STAT3: variants seen among roughly 807,000 people sequenced by gnomAD.
STAT3 encodes the protein DNA-binding protein APRF.
A neutral mutation model predicts 114.3 loss-of-function variants in STAT3; 7 were observed. That is an observed-to-expected ratio of 0.06 (90% CI 0.03 to 0.11). The LOEUF is 0.11. Among genes scored for constraint, STAT3 ranks in the 10% least tolerant of loss-of-function variants. STAT3 has a pLI of 1.00. For missense variants in STAT3, 364 were observed against 960.9 expected (o/e 0.38, Z 8.21); for synonymous variants, 331 against 354.5 (o/e 0.93, Z 0.74).
At position 42,369,142 on chromosome 17, in the gene STAT3, G is replaced by A. The variant is rs145984675; in HGVS notation, c.-24+19137C>T. 5.6e-3 allele frequency among the ~76,000 whole-genome samples: 860 copies of A among 152,232 alleles called. 8 individuals carry two copies. The highest frequency in any genetic ancestry group is 8.5e-3 in the Non-Finnish European group (577 of 68,016). On this transcript the variant is annotated intron_variant, in intron 1 of 23. Transcript: ENST00000264657. ...TGGGAGGCCGAGGTGGGAGGATCATGAGGTCAGGAGTTCAAGAACAGCCTG... is the reference window on the plus strand; with the variant it reads ...TGGGAGGCCGAGGTGGGAGGATCATAAGGTCAGGAGTTCAAGAACAGCCTG...
chr17:42,320,886 C>A (rs1227440652), intron 21 of STAT3, among the ~76,000 whole-genome samples: 2 of 151,988 alleles, frequency 1.3e-5, no homozygotes, highest in African/African-American at 4.8e-5. Context: ...AGGGCTACCC[C>A]CTCCACACTG....
At chr17:42,379,945 G>A (rs1178263606) in intron 1 of STAT3, among the ~76,000 whole-genome samples, 2 of 152,002 alleles carry the variant, frequency 1.3e-5, no homozygotes, top group African/African-American at 4.8e-5. Flanking sequence ...TCTCCTTTGG[G>A]TCATTAGTGG....
At chr17:42,377,798 A>C (rs956501542) in intron 1 of STAT3, among the ~76,000 whole-genome samples, 8 of 152,172 alleles carry the variant, frequency 5.3e-5, no homozygotes, top group Non-Finnish European at 1.0e-4. Flanking sequence ...AAGAGGAAAA[A>C]GTTTAACCCA....
chr17:42,332,301 AG>A (rs1271888081), intron 10 of STAT3, among the ~76,000 whole-genome samples: 2 of 147,486 alleles, frequency 1.4e-5, no homozygotes, highest in Non-Finnish European at 3.0e-5. Context: ...GCACTTTGGG[AG>A]GCCAAGGCAG....
At chr17:42,316,110 G>A (rs2081238168) in intron 23 of STAT3, 1 of 1,319,704 alleles carries the variant, frequency 7.6e-7, no homozygotes, top group East Asian at 3.1e-5. Flanking sequence ...GACACACGTG[G>A]CCACCAAGCA....
intron 1 of STAT3, among the ~76,000 whole-genome samples, chr17:42,352,997 T>C (rs1222017426): frequency 6.6e-6 from 1 of 152,204 alleles, no homozygotes; most frequent in African/African-American, 2.4e-5. Context: ...AAATAAAATA[T>C]ATTATTAAAA....
intron 1 of STAT3, among the ~76,000 whole-genome samples, chr17:42,352,928 A>G (rs1325958038): frequency 6.6e-6 from 1 of 152,252 alleles, no homozygotes; most frequent in African/African-American, 2.4e-5. Flanking sequence ...AGTGAAAAAC[A>G]AAAGAATGTA....
intron 1 of STAT3, among the ~76,000 whole-genome samples, chr17:42,354,183 T>C (rs2083110492): frequency 6.7e-6 from 1 of 149,082 alleles, no homozygotes; most frequent in Non-Finnish European, 1.5e-5. Flanking sequence ...TTTTTTTTTT[T>C]TTTTTTTTTG....
intron 1 of STAT3, among the ~76,000 whole-genome samples, chr17:42,384,124 A>ATT (rs1202429954): frequency 1.1e-3 from 87 of 82,016 alleles, no homozygotes; most frequent in East Asian, 2.1e-3. Flanking sequence ...TTATTTATTT[A>ATT]TTTATTTATT....
At chr17:42,382,963 C>G (rs2084887727) in intron 1 of STAT3, among the ~76,000 whole-genome samples, 1 of 151,804 alleles carries the variant, frequency 6.6e-6, no homozygotes, top group African/African-American at 2.4e-5. Context: ...TGCAGTAATC[C>G]TAACATGACA....
At chr17:42,383,327 G>T (rs1051440706) in intron 1 of STAT3, among the ~76,000 whole-genome samples, 2 of 151,264 alleles carry the variant, frequency 1.3e-5, no homozygotes, top group South Asian at 4.2e-4. Flanking sequence ...AAAGCGCTGG[G>T]ATTACAGGCA....
rs2082115276 is a variant in STAT3 at position 42,333,666 on chromosome 17, G to C, written c.1049+7C>G. On this transcript the variant is annotated splice_region_variant and intron_variant, in intron 10 of 23. Coordinates refer to ENST00000264657, the MANE Select transcript of STAT3 (RefSeq NM_139276.3). This position sits in a 1 kb window ranked among gnomAD's most constrained non-coding sequence, Gnocchi z 5.2. ...TCTCTACTGGAAATGGAAGTGGCAT[G>C]GCCTACCTGACTTTAGTAGTGAACT... is the stretch of plus-strand genomic sequence containing the variant. The C allele has an allele frequency of 1.2e-6, 2 of 1,613,818 alleles. No homozygotes were observed. Among genetic ancestry groups the C allele is most frequent in the African/African-American group, 1.3e-5 (1 of 74,920 alleles).
chr17:42,340,975 G>A (rs1280952605), intron 4 of STAT3, among the ~76,000 whole-genome samples: 2 of 152,070 alleles, frequency 1.3e-5, no homozygotes, highest in Non-Finnish European at 2.9e-5. Context: ...GGGGTGGGGT[G>A]GGGGTGCTGC....
At chr17:42,353,374 GA>G (rs2083070887) in intron 1 of STAT3, among the ~76,000 whole-genome samples, 2 of 133,580 alleles carry the variant, frequency 1.5e-5, no homozygotes, top group Admixed American at 7.2e-5. Flanking sequence ...AAGAAAGAAA[GA>G]AAGAAGAGAA....
Position 42,323,102 on chromosome 17 carries a change from A to G in STAT3, c.1790T>C (p.Ile597Thr), listed in dbSNP as rs1397194993. 1 of 1,614,162 alleles carries G rather than the reference A, an allele frequency of 6.2e-7. No individual in the cohort carries two copies. Among genetic ancestry groups the G allele is most frequent in the Admixed American group, 1.7e-5 (1 of 60,026 alleles). ...GFISKERERA[I>T]LSTKPPGTFL... is the part of the protein sequence containing the mutation. ...GGTGCCTGGAGGCTTAGTGCTCAAG[A>G]TGGCCCGCTCCCGCTCCTTACTGAT... is the stretch of plus-strand genomic sequence containing the variant. Residue 597 changes from isoleucine to threonine, a missense_variant, in exon 20 of 24, where the codon ATC (isoleucine) becomes ACC (threonine). By Grantham distance (89) the Ile-to-Thr change is moderately conservative. This residue lies in a region of STAT3 where 294 missense variants were observed against 745.1 expected (regional missense o/e 0.39). Coordinates refer to ENST00000264657, the MANE Select transcript of STAT3 (RefSeq NM_139276.3).
intron 10 of STAT3, among the ~76,000 whole-genome samples, chr17:42,332,146 C>T (rs986869699): frequency 5.0e-4 from 76 of 151,594 alleles, no homozygotes; most frequent in Non-Finnish European, 9.4e-4. Context: ...AGGATGGTCT[C>T]GAACTCCCGA....
chr17:42,328,220 T>C (rs1206991962), intron 14 of STAT3, among the ~76,000 whole-genome samples: 1 of 152,178 alleles, frequency 6.6e-6, no homozygotes, highest in Non-Finnish European at 1.5e-5. Context: ...AATTTCTTAA[T>C]ATACATATGA....
intron 1 of STAT3, among the ~76,000 whole-genome samples, chr17:42,374,437 G>A (rs1022374417): frequency 7.9e-5 from 12 of 151,778 alleles, no homozygotes; most frequent in African/African-American, 2.2e-4. Flanking sequence ...GTGAAACCCC[G>A]TCTCTACTAA....
intron 2 of STAT3, 122 bp from the exon 3 acceptor site, chr17:42,346,835 A>G: frequency 7.6e-7 from 1 of 1,307,714 alleles, no homozygotes; most frequent in Non-Finnish European, 1.1e-6. Flanking sequence ...GCTATAACCC[A>G]TTCATCATGT....
Sources: gnomAD v4.1 joint callset for allele counts (sites outside exome capture counted in the v4.1 genomes callset) on GRCh38, gnomAD v4.1.1 for gene constraint, gnomAD v4.1.1 regional missense constraint, Gnocchi (gnomAD v3.1) non-coding constraint, MANE v1.5 for transcripts, NCBI Gene and HGNC (gene_info 2026-07-23, HGNC 2026-07-21) for gene names.